The following DCC variants were observed in gnomAD, a reference collection of about 807,000 sequenced individuals.
DCC encodes DCC netrin 1 receptor, also known as netrin receptor DCC.
In DCC, 58 loss-of-function variants were observed where a neutral mutation model predicts 172.5. The ratio of observed to expected loss-of-function variants is 0.34; its 90% CI spans 0.27 to 0.42. The LOEUF (loss-of-function observed/expected upper bound fraction) is 0.42, where lower values mean the gene tolerates loss of function less well. Ranked by LOEUF, DCC falls within the 10% of genes least tolerant of loss-of-function variation. DCC has a pLI of 1.00. For missense variants in DCC, 1,740 were observed against 1,791.0 expected (o/e 0.97, Z 0.51); for synonymous variants, 709 against 644.5 (o/e 1.10, Z -1.52).
At chr18:53,206,282 A>G (rs894168378) in intron 10 of DCC, among the ~76,000 whole-genome samples, 1 of 134,528 alleles carries the variant, frequency 7.4e-6, no homozygotes, top group African/African-American at 2.7e-5. Flanking sequence ...TAACACATAT[A>G]TACCACATAT....
intron 1 of DCC, among the ~76,000 whole-genome samples, chr18:52,412,165 C>T (rs1986865872): frequency 6.6e-6 from 1 of 152,026 alleles, no homozygotes; most frequent in Admixed American, 6.6e-5. Flanking sequence ...CACTTAAAGG[C>T]ACCTCAATAA....
At chr18:53,163,670 A>G (rs1284440771) in intron 8 of DCC, among the ~76,000 whole-genome samples, 1 of 152,222 alleles carries the variant, frequency 6.6e-6, no homozygotes, top group African/African-American at 2.4e-5. Context: ...CTTTTATTTC[A>G]TAAGTTAAAG....
chr18:52,355,263 T>C (rs1984309225), intron 1 of DCC, among the ~76,000 whole-genome samples: 1 of 151,770 alleles, frequency 6.6e-6, no homozygotes, highest in African/African-American at 2.4e-5. Context: ...TTCAAAGCAC[T>C]GATCAGGCAG....
intron 5 of DCC, among the ~76,000 whole-genome samples, chr18:52,968,946 G>A (rs915713304): frequency 7.9e-5 from 12 of 151,794 alleles, no homozygotes; most frequent in Admixed American, 4.6e-4. Flanking sequence ...TTCCCCCTTC[G>A]GATGAGACTC....
chr18:52,935,021 C>T (rs1170780411), intron 5 of DCC: 3 of 152,132 alleles, frequency 2.0e-5, no homozygotes, highest in African/African-American at 7.2e-5. Context: ...AAGGTAGATG[C>T]TGTATGCGTT....
intron 25 of DCC, among the ~76,000 whole-genome samples, chr18:53,476,405 T>C (rs2045763610): frequency 6.6e-6 from 1 of 152,148 alleles, no homozygotes; most frequent in Non-Finnish European, 1.5e-5. Context: ...TGAGAGGTAA[T>C]TGAATTTCGG....
intron 1 of DCC, among the ~76,000 whole-genome samples, chr18:52,490,042 G>A (rs1598858695): frequency 6.6e-6 from 1 of 152,046 alleles, no homozygotes; most frequent in Admixed American, 6.6e-5. Context: ...GTCCTTCTAC[G>A]GTTTTTTGAA....
At chr18:53,474,468 G>A (rs2045737222) in intron 25 of DCC, among the ~76,000 whole-genome samples, 1 of 152,172 alleles carries the variant, frequency 6.6e-6, no homozygotes, top group African/African-American at 2.4e-5. Context: ...TGTCTTGTGG[G>A]AGGGTCCCAA....
At chr18:52,878,783 A>G (rs144290689) in intron 2 of DCC, among the ~76,000 whole-genome samples, 2,309 of 152,312 alleles carry the variant, frequency 0.015, 43 homozygotes, top group African/African-American at 0.039. Context: ...TCAATAAACA[A>G]TTGTTGAAAA....
chr18:52,916,673 A>G (rs996764999), intron 3 of DCC, among the ~76,000 whole-genome samples: 1 of 152,158 alleles, frequency 6.6e-6, no homozygotes, highest in Non-Finnish European at 1.5e-5. Flanking sequence ...TAGATTTCAC[A>G]TTACAACTAA....
chr18:53,342,540 A>G (rs1180552407), intron 15 of DCC, among the ~76,000 whole-genome samples: 3 of 151,394 alleles, frequency 2.0e-5, no homozygotes, highest in Admixed American at 6.6e-5. Context: ...TTAAAAGTGT[A>G]CTTTTTGGCA....
chr18:52,808,453 G>A (rs930248117), intron 2 of DCC, among the ~76,000 whole-genome samples: 3 of 149,788 alleles, frequency 2.0e-5, no homozygotes, highest in Non-Finnish European at 4.4e-5. Flanking sequence ...CAATATCATA[G>A]ATTGAACTAT....
At chr18:53,472,576 C>T (rs1210195382) in intron 25 of DCC, among the ~76,000 whole-genome samples, 1 of 152,156 alleles carries the variant, frequency 6.6e-6, no homozygotes, top group East Asian at 1.9e-4. Flanking sequence ...TTAGAAATAT[C>T]TTCCTCATCT....
chr18:53,403,112 ACACACACG>A (rs1410795130), intron 19 of DCC, among the ~76,000 whole-genome samples: 3 of 108,024 alleles, frequency 2.8e-5, no homozygotes, highest in Non-Finnish European at 6.3e-5. Context: ...ACACACACAC[ACACACACG>A]TCATTTGATT....
chr18:53,242,162 T>C (rs1224044380), intron 12 of DCC, among the ~76,000 whole-genome samples: 1 of 152,062 alleles, frequency 6.6e-6, no homozygotes, highest in Non-Finnish European at 1.5e-5. Flanking sequence ...AATCAATCAC[T>C]GGTAACAAAG....
chr18:53,308,562 T>G (rs1031810003), intron 13 of DCC, among the ~76,000 whole-genome samples: 4 of 152,190 alleles, frequency 2.6e-5, no homozygotes, highest in African/African-American at 9.7e-5. Flanking sequence ...AGAAAACAAA[T>G]GAATAGTAGC....
At chr18:52,792,754 GATTCTATTCCATTCTATTCCATTCC>G (rs2037795319) in intron 2 of DCC, among the ~76,000 whole-genome samples, 1 of 23,088 alleles carries the variant, frequency 4.3e-5, no homozygotes, top group South Asian at 5.7e-4. Flanking sequence ...CATTCCAGTT[GATTCTATTCCATTCTATTCCATTCC>G]ATTCCATTCC....
Position 53,339,902 on chromosome 18 carries a change from G to A in DCC, c.2354G>A (p.Arg785Lys), listed in dbSNP as rs768841153. 3 of 1,612,528 alleles carry A rather than the reference G, an allele frequency of 1.9e-6. No individual in the cohort carries two copies. The highest frequency in any genetic ancestry group is 2.5e-6 in the Non-Finnish European group (3 of 1,179,090). Reference protein sequence around the residue: ...DSKQRYYSIERLESSSHYVIS... With the variant: ...DSKQRYYSIEKLESSSHYVIS... ...AAGCAGCGATATTATTCCATTGAGA[G>A]GTTAGGTGAGTATCTGTGATTTTTT... is the stretch of plus-strand genomic sequence containing the variant. Residue 785 changes from arginine to lysine, a missense_variant, in exon 15 of 29, where the codon AGG becomes AAG. Around this residue, in one of 2 missense-constraint regions of DCC, gnomAD observed 1,732 missense variants for 1,767.4 expected, o/e 0.98. Transcript: ENST00000442544.
At chr18:52,805,277 T>A (rs1211371163) in intron 2 of DCC, among the ~76,000 whole-genome samples, 1 of 152,142 alleles carries the variant, frequency 6.6e-6, no homozygotes, top group East Asian at 1.9e-4. Flanking sequence ...CCAAGTGAGG[T>A]GTATATTAAC....
Sources: gnomAD v4.1 joint callset for allele counts (sites outside exome capture counted in the v4.1 genomes callset) on GRCh38, gnomAD v4.1.1 for gene constraint, gnomAD v4.1.1 regional missense constraint, MANE v1.5 for transcripts, NCBI Gene and HGNC (gene_info 2026-07-23, HGNC 2026-07-21) for gene names.